MLPH: variants seen among roughly 807,000 people sequenced by gnomAD.
The protein encoded by MLPH is exophilin-3.
MLPH carries 51 observed loss-of-function variants against 72.1 expected under a neutral mutation model. The observed-to-expected ratio is 0.71, with a 90% CI of 0.56 to 0.89. The LOEUF is 0.89. MLPH is among the 40% of genes least tolerant of loss of function. The pLI, the probability that MLPH is intolerant of heterozygous loss-of-function variation, is 0.00. For missense variants in MLPH, 743 were observed against 759.9 expected (o/e 0.98, Z 0.26); for synonymous variants, 301 against 310.1 (o/e 0.97, Z 0.31).
chr2:237,488,317 G>A (rs573594110), intron 1 of MLPH, among the ~76,000 whole-genome samples: 3 of 152,256 alleles, frequency 2.0e-5, no homozygotes, highest in South Asian at 4.2e-4. Context: ...CTTGCAGACC[G>A]CGTTGCTGAG....
At chr2:237,490,747 G>C (rs2079412839) in intron 1 of MLPH, among the ~76,000 whole-genome samples, 1 of 152,052 alleles carries the variant, frequency 6.6e-6, no homozygotes, top group Non-Finnish European at 1.5e-5. Context: ...ATAACTTTTT[G>C]TTCCAATTCT....
intron 12 of MLPH, chr2:237,545,859 A>G (rs1430197366): frequency 2.0e-5 from 4 of 203,886 alleles, no homozygotes; most frequent in Non-Finnish European, 3.9e-5. Flanking sequence ...TAGGACTTAC[A>G]CTAAAAAAAT....
At chr2:237,531,324 A>G (rs775309115) in intron 8 of MLPH, among the ~76,000 whole-genome samples, 11 of 152,170 alleles carry the variant, frequency 7.2e-5, no homozygotes, top group Non-Finnish European at 1.3e-4. Flanking sequence ...GCCAGGATAG[A>G]GACCTCCCCA....
chr2:237,547,183 T>C (rs1484424717), intron 13 of MLPH, among the ~76,000 whole-genome samples: 3 of 152,258 alleles, frequency 2.0e-5, no homozygotes, highest in Non-Finnish European at 4.4e-5. Flanking sequence ...TGGGGACTTC[T>C]TCCATCTGGG....
intron 9 of MLPH, 71 bp from the exon 10 acceptor site, chr2:237,540,277 C>A: frequency 6.4e-7 from 1 of 1,570,392 alleles, no homozygotes; most frequent in East Asian, 2.3e-5. Flanking sequence ...GCCCATCTCC[C>A]AGAGCCAGCC....
Position 237,553,656 on chromosome 2 carries a change from C to A in MLPH, c.*64C>A, listed in dbSNP as rs1278682539. The stretch of plus-strand genomic sequence containing the variant: ...TTCCCTCCACCACAGCCATCCTGTC[C>A]CTCATTGGCTCTGTGCTTTCCACTA... On this transcript the variant is annotated 3_prime_UTR_variant, in exon 16 of 16. Transcript: ENST00000264605. The A allele has an allele frequency of 6.2e-7, 1 of 1,605,580 alleles. No homozygotes were observed. Among genetic ancestry groups the A allele is most frequent in the African/African-American group, 1.3e-5 (1 of 74,784 alleles).
intron 8 of MLPH, among the ~76,000 whole-genome samples, chr2:237,533,965 A>G (rs1456610247): frequency 2.6e-5 from 4 of 152,208 alleles, no homozygotes; most frequent in Non-Finnish European, 1.5e-5. Flanking sequence ...TAAATGAGAT[A>G]ATGGCAGGAA....
chr2:237,546,582 A>G (rs769187548), intron 12 of MLPH, 24 bp from the exon 13 acceptor site: 14 of 1,609,116 alleles, frequency 8.7e-6, no homozygotes, highest in East Asian at 4.5e-5. Flanking sequence ...CAACAATAAC[A>G]TAAGTCTCTT....
At chr2:237,519,203 G>A (rs912529038) in intron 5 of MLPH, among the ~76,000 whole-genome samples, 2 of 152,142 alleles carry the variant, frequency 1.3e-5, no homozygotes, top group Non-Finnish European at 2.9e-5. Context: ...AGCAAGAAGG[G>A]GAAGCAGCTG....
chr2:237,494,884 A>G (rs1295157085), intron 2 of MLPH, among the ~76,000 whole-genome samples: 7 of 152,348 alleles, frequency 4.6e-5, no homozygotes, highest in African/African-American at 7.2e-5. Flanking sequence ...GGACTGCTGC[A>G]TATGTGACTT....
chr2:237,553,590 T>C lies in MLPH; in HGVS notation c.1801T>C (p.Ter601GlnextTer37). The C allele has an allele frequency of 1.2e-6, 2 of 1,614,224 alleles. No homozygotes were observed. The highest frequency in any genetic ancestry group is 1.1e-5 in the South Asian group (1 of 91,084). The change falls in exon 16 of 16, where the codon TAA (stop) becomes CAA (glutamine). Residue 601 changes from the stop codon to glutamine, a stop_lost. Transcript: ENST00000264605. ...GAAACCTGTGGTGGCCCACCAGTCC[T>C]AACGGGACAGGACAGAGAGACAGAG... ...FAKPVVAHQS[*>Q]
At chr2:237,519,035 C>T (rs1388715279) in intron 5 of MLPH, among the ~76,000 whole-genome samples, 2 of 152,184 alleles carry the variant, frequency 1.3e-5, no homozygotes, top group African/African-American at 4.8e-5. Flanking sequence ...GTGGACCCCT[C>T]AGGCTCTCCT....
chr2:237,545,673 C>T (rs1183278533), intron 12 of MLPH: 2 of 1,237,896 alleles, frequency 1.6e-6, no homozygotes, highest in East Asian at 5.7e-5. Flanking sequence ...CTCTCCTGAT[C>T]CCATTCAGGA....
chr2:237,553,473 C>T, intron 15 of MLPH, 93 bp from the exon 16 acceptor site: 1 of 1,154,890 alleles, frequency 8.7e-7, no homozygotes, highest in South Asian at 1.3e-5. Flanking sequence ...CATGTACACA[C>T]CTGTGTATTT....
intron 9 of MLPH, among the ~76,000 whole-genome samples, chr2:237,536,533 G>T (rs1227675158): frequency 6.6e-6 from 1 of 152,200 alleles, no homozygotes. Context: ...GGAGAGCATT[G>T]CTTCCCACGG....
At position 237,510,779 on chromosome 2, in the gene MLPH, C is replaced by G; in HGVS notation, c.316C>G (p.Pro106Ala). The G allele has an allele frequency of 6.2e-7, 1 of 1,613,466 alleles. No individual in the cohort carries two copies. Among genetic ancestry groups the G allele is most frequent in the Non-Finnish European group, 8.5e-7 (1 of 1,180,034 alleles). Residue 106 changes from proline (P) to alanine (A), a missense_variant, in exon 3 of 16, where the codon CCC (proline) becomes GCC (alanine). By Grantham distance (27) the Pro-to-Ala change is conservative. Coordinates refer to ENST00000264605, the MANE Select transcript of MLPH (RefSeq NM_024101.7). This position sits in a 1 kb window ranked among gnomAD's most constrained non-coding sequence, Gnocchi z 4.4. ...GGAGGAGCAGGGCTGGATCTGTGACCCCTGCCATCTGGCCAGGTGAGCCCA... is the reference window on the plus strand; with the variant it reads ...GGAGGAGCAGGGCTGGATCTGTGACGCCTGCCATCTGGCCAGGTGAGCCCA... ...HPEEQGWICD[P>A]CHLARVVKIG...
chr2:237,521,845 C>A (rs1296547965), intron 6 of MLPH, among the ~76,000 whole-genome samples: 1 of 143,326 alleles, frequency 7.0e-6, no homozygotes, highest in Non-Finnish European at 1.5e-5. Context: ...CTTCAAACAC[C>A]TGCTACAACT....
chr2:237,495,673 C>T (rs1405311016), intron 2 of MLPH, among the ~76,000 whole-genome samples: 2 of 152,168 alleles, frequency 1.3e-5, no homozygotes, highest in Non-Finnish European at 2.9e-5. Context: ...TGTGATCCCC[C>T]ACTCTCCCTC....
intron 8 of MLPH, among the ~76,000 whole-genome samples, chr2:237,530,322 G>C (rs1211721309): frequency 6.6e-6 from 1 of 152,220 alleles, no homozygotes; most frequent in Non-Finnish European, 1.5e-5. Context: ...TGATAGGTGA[G>C]GGGCTCCTCC....
Sources: allele counts gnomAD v4.1 joint callset (sites outside exome capture counted in the v4.1 genomes callset), GRCh38; gene constraint gnomAD v4.1.1; non-coding constraint Gnocchi (gnomAD v3.1); transcripts MANE v1.5; gene names NCBI Gene and HGNC (gene_info 2026-07-23, HGNC 2026-07-21).